Variants in CNBD1 observed in about 807,000 individuals in gnomAD.
CNBD1 encodes the protein cyclic nucleotide binding domain containing 1.
In CNBD1, 71 loss-of-function variants were observed where a neutral mutation model predicts 54.4. The observed-to-expected ratio is 1.30, with a 90% CI of 1.08 to 1.59. The LOEUF is 1.59. Among genes scored for constraint, CNBD1 ranks in the 40% most tolerant of loss-of-function variants. CNBD1 has a pLI of 0.00. For synonymous variants in CNBD1, 182 were observed against 170.7 expected, an observed-to-expected ratio of 1.07 and a Z score of -0.51; for missense variants, 659 against 518.0, an observed-to-expected ratio of 1.27 and a Z score of -2.64.
intron 4 of CNBD1, among the ~76,000 whole-genome samples, chr8:87,033,389 C>T (rs1230545958): frequency 6.6e-6 from 1 of 152,128 alleles, no homozygotes; most frequent in Non-Finnish European, 1.5e-5. Flanking sequence ...CTTTAAAAGG[C>T]AATTTCTTAC....
chr8:86,928,355 C>T (rs1219210410), intron 3 of CNBD1, among the ~76,000 whole-genome samples: 1 of 152,130 alleles, frequency 6.6e-6, no homozygotes, highest in East Asian at 1.9e-4. Context: ...AGATGAGTTT[C>T]TTGTGTTAGT....
intron 4 of CNBD1, among the ~76,000 whole-genome samples, chr8:86,996,361 G>A (rs117369874): frequency 0.012 from 1,856 of 152,212 alleles, 18 homozygotes; most frequent in Middle Eastern, 0.027. Context: ...TGAGGATGCT[G>A]AGAATTCTCA....
chr8:87,082,026 C>G (rs565522016), intron 4 of CNBD1, among the ~76,000 whole-genome samples: 4 of 152,182 alleles, frequency 2.6e-5, no homozygotes, highest in Non-Finnish European at 4.4e-5. Context: ...GCAGCGTCTT[C>G]TTGGTGAATT....
chr8:87,288,543 T>A (rs1200946538), intron 8 of CNBD1, among the ~76,000 whole-genome samples: 4 of 152,074 alleles, frequency 2.6e-5, no homozygotes, highest in Non-Finnish European at 5.9e-5. Context: ...TTAATATGTT[T>A]GATTACTAAT....
rs979147116 is a variant in CNBD1, at chr8:87,059,714, G to A, written c.431+119960G>A. ...CCATGATTCAATTACCTCCCACTGG[G>A]TTCCTCCCATAATATGTGGCAATCA... On this transcript the variant is annotated intron_variant, in intron 4 of 10. Coordinates refer to ENST00000518476, the MANE Select transcript of CNBD1 (RefSeq NM_173538.3). 8.5e-5 allele frequency among the ~76,000 whole-genome samples: 13 copies of A among 152,326 alleles called. No homozygotes were observed. In the South Asian group the frequency reaches 2.7e-3, roughly 32 times the overall value.
intron 8 of CNBD1, among the ~76,000 whole-genome samples, chr8:87,337,940 G>A (rs1172505990): frequency 6.6e-6 from 1 of 151,982 alleles, no homozygotes; most frequent in African/African-American, 2.4e-5. Context: ...ATATTTGTTA[G>A]TTTTCTATTT....
At chr8:87,036,065 AT>A (rs1809934979) in intron 4 of CNBD1, among the ~76,000 whole-genome samples, 1 of 152,148 alleles carries the variant, frequency 6.6e-6, no homozygotes, top group Non-Finnish European at 1.5e-5. Flanking sequence ...TCCATAGCCC[AT>A]TGCTGTGGAG....
At chr8:86,973,159 C>T (rs1261182834) in intron 4 of CNBD1, among the ~76,000 whole-genome samples, 2 of 152,102 alleles carry the variant, frequency 1.3e-5, no homozygotes, top group Non-Finnish European at 2.9e-5. Flanking sequence ...GTATTCTGAC[C>T]ACTGGCCTTG....
rs1409160049 is a variant in CNBD1 at position 87,056,997 on chromosome 8, C to T, written c.431+117243C>T. On this transcript the variant is annotated intron_variant, in intron 4 of 10. Transcript: ENST00000518476. Reference sequence around the variant, plus strand: ...GATGGAACCTGTGATTTGCTTCCAACCAAAAGAGTGTGGCAAAGTTGATAC... The same window carrying T: ...GATGGAACCTGTGATTTGCTTCCAATCAAAAGAGTGTGGCAAAGTTGATAC... Among the ~76,000 whole-genome samples, 6 of 152,240 alleles carry T rather than the reference C, an allele frequency of 3.9e-5. No homozygotes were observed. The South Asian group carries it at 1.2e-3, about 32-fold the overall frequency.
chr8:86,896,098 C>T (rs1306709331), intron 2 of CNBD1, among the ~76,000 whole-genome samples: 1 of 152,010 alleles, frequency 6.6e-6, no homozygotes, highest in Non-Finnish European at 1.5e-5. Flanking sequence ...GATAGGGGTA[C>T]AATTTCATTC....
intron 10 of CNBD1, among the ~76,000 whole-genome samples, chr8:87,359,260 C>G (rs567507077): frequency 1.4e-5 from 2 of 146,700 alleles, no homozygotes; most frequent in Admixed American, 1.3e-4. Flanking sequence ...ATTCCATAGT[C>G]TGCATACATC....
rs545893506 is a variant in CNBD1 at position 87,389,051 on chromosome 8, C to T, written c.213+35265C>T. Among the ~76,000 whole-genome samples the T allele has an allele frequency of 1.2e-4, 19 of 152,206 alleles. No homozygotes were observed. The East Asian group carries it at 3.7e-3, about 29-fold the overall frequency. ...AAAGGCCTTTGACAGAACTCAAGAG[C>T]CCTTGATGCTAAAATCTCTCAATAA... is the stretch of plus-strand genomic sequence containing the variant. On this transcript the variant is annotated intron_variant, in intron 2 of 7. Transcript: ENST00000521593.
chr8:87,352,341 G>T (rs940875168), intron 9 of CNBD1, among the ~76,000 whole-genome samples: 2 of 151,988 alleles, frequency 1.3e-5, no homozygotes, highest in Admixed American at 6.6e-5. Flanking sequence ...TTAGCTGGGT[G>T]TGGTGGTGCA....
At chr8:87,046,537 A>G (rs184969376) in intron 4 of CNBD1, among the ~76,000 whole-genome samples, 2 of 152,256 alleles carry the variant, frequency 1.3e-5, no homozygotes, top group Admixed American at 6.5e-5. Flanking sequence ...ATGCCTAGGG[A>G]GAATTAGGTG....
intron 2 of CNBD1, chr8:87,428,487 CT>C: frequency 6.9e-6 from 1 of 144,326 alleles, no homozygotes; most frequent in Admixed American, 8.5e-5. Context: ...AGCAATTGCT[CT>C]TTTTATGAAG....
At chr8:86,995,462 C>T (rs978183503) in intron 4 of CNBD1, among the ~76,000 whole-genome samples, 7 of 152,070 alleles carry the variant, frequency 4.6e-5, no homozygotes, top group South Asian at 2.1e-4. Context: ...AGATTCCTGA[C>T]CCCTGACATA....
At chr8:86,932,919 A>G (rs1809480874) in intron 3 of CNBD1, among the ~76,000 whole-genome samples, 1 of 152,008 alleles carries the variant, frequency 6.6e-6, no homozygotes, top group South Asian at 2.1e-4. Flanking sequence ...GCAGCAGCGG[A>G]AACACTTGTT....
At chr8:87,352,889 T>G (rs1166842947) in intron 9 of CNBD1, among the ~76,000 whole-genome samples, 1 of 152,202 alleles carries the variant, frequency 6.6e-6, no homozygotes, top group Admixed American at 6.5e-5. Flanking sequence ...CAAGTTATAT[T>G]GGATTTGACT....
chr8:87,229,487 T>C (rs371081005), intron 5 of CNBD1, among the ~76,000 whole-genome samples: 2 of 152,204 alleles, frequency 1.3e-5, no homozygotes, highest in Non-Finnish European at 2.9e-5. Context: ...ATATTTTAAT[T>C]GTTCTTTGAC....
Sources: gnomAD v4.1 joint callset for allele counts (sites outside exome capture counted in the v4.1 genomes callset) on GRCh38, gnomAD v4.1.1 for gene constraint, MANE v1.5 for transcripts, NCBI Gene and HGNC (gene_info 2026-07-23, HGNC 2026-07-21) for gene names.